The following SOCS5 variants were observed in gnomAD, a reference collection of about 807,000 sequenced individuals.
SOCS5 encodes CIS-6.
Under a neutral mutation model 42.8 loss-of-function variants are expected in SOCS5, and 32 were observed. The observed-to-expected ratio is 0.75, with a 90% confidence interval of 0.56 to 1.01. SOCS5 has a LOEUF of 1.01. Ranked by LOEUF, SOCS5 falls within the 50% of genes least tolerant of loss-of-function variation. The probability of loss-of-function intolerance (pLI) is 0.00; values close to 1 mark genes in which losing one functional copy is unlikely to be tolerated. For synonymous variants in SOCS5, 283 were observed against 229.6 expected (o/e 1.23, Z -2.10); for missense variants, 627 against 653.0 (o/e 0.96, Z 0.43).
Position 46,762,003 on chromosome 2 carries a change from T to C in SOCS5, c.*1862T>C. On this transcript the variant is annotated 3_prime_UTR_variant, in exon 2 of 2. Transcript: ENST00000394861. ...GGTTAAATGAAGTCTTGTGAATTTG[T>C]AATAGATCAGTACCATTTATTGGTT... 1 of 167,184 alleles carries C rather than the reference T, an allele frequency of 6.0e-6. No individual in the cohort carries two copies. The allele number at this position is 167,184 out of a possible 1,614,324, so 10.4% of individuals were successfully genotyped here. A position where few individuals can be genotyped will look rare whatever the true frequency, so the allele number is the denominator to read the frequency against.
At chr2:46,728,019 T>G (rs941461677) in intron 1 of SOCS5, among the ~76,000 whole-genome samples, 18 of 152,118 alleles carry the variant, frequency 1.2e-4, no homozygotes, top group Non-Finnish European at 5.9e-5. Context: ...TTTCCCTCCC[T>G]CAGAGTTTTA....
intron 1 of SOCS5, among the ~76,000 whole-genome samples, chr2:46,753,191 G>A (rs1248708996): frequency 6.6e-6 from 1 of 152,132 alleles, no homozygotes; most frequent in East Asian, 1.9e-4. Flanking sequence ...TCTGCCTATA[G>A]TACATTGTCC....
intron 1 of SOCS5, among the ~76,000 whole-genome samples, chr2:46,743,487 G>T (rs1227452450): frequency 6.6e-6 from 1 of 152,148 alleles, no homozygotes; most frequent in Non-Finnish European, 1.5e-5. Context: ...CAGTGAGGAT[G>T]ACCAGAGATC....
chr2:46,705,086 T>C (rs1200396886), intron 1 of SOCS5, among the ~76,000 whole-genome samples: 1 of 152,244 alleles, frequency 6.6e-6, no homozygotes, highest in Non-Finnish European at 1.5e-5. Context: ...TTCTGACTGT[T>C]TATTTGTATC....
chr2:46,727,823 C>G lies in SOCS5; in HGVS notation c.-13+28374C>G, dbSNP rs116934178. ...CTCCCTCTCAGCAATTTCCTTTATA[C>G]TTTCTGCTGCCGACCTCTTTTCAGT... On this transcript the variant is annotated intron_variant, in intron 1 of 1. Transcript: ENST00000394861. Among the ~76,000 whole-genome samples the G allele has an allele frequency of 2.7e-4, 41 of 152,296 alleles. 1 individual carries two copies. In the East Asian group the frequency reaches 7.7e-3, roughly 29 times the overall value.
rs763272718 is a variant in SOCS5 at position 46,760,115 on chromosome 2, G to T, written c.1585G>T (p.Glu529Ter). 30 of 1,613,282 alleles carry T rather than the reference G, an allele frequency of 1.9e-5. No individual in the cohort carries two copies. Among genetic ancestry groups the T allele is most frequent in the Non-Finnish European group, 3.4e-6 (4 of 1,179,698 alleles). ...YKQKVRVRWL[E>*]REPVKAK is the part of the protein sequence containing the mutation. The stretch of plus-strand genomic sequence containing the variant: ...ACAAAAAGTTAGAGTTCGCTGGTTG[G>T]AACGAGAACCAGTCAAGGCAAAGTA... The change falls in exon 2 of 2, where the codon GAA becomes TAA. Residue 529 changes from glutamate to a stop codon, truncating the protein, a stop_gained. Transcript: ENST00000394861. LOFTEE classifies it high-confidence loss of function.
intron 1 of SOCS5, among the ~76,000 whole-genome samples, chr2:46,738,522 T>C (rs1403456062): frequency 6.6e-6 from 1 of 152,194 alleles, no homozygotes; most frequent in African/African-American, 2.4e-5. Flanking sequence ...ATTTTGGATA[T>C]AGTTAATTTG....
intron 1 of SOCS5, among the ~76,000 whole-genome samples, chr2:46,729,592 T>C (rs1673070333): frequency 6.6e-6 from 1 of 152,154 alleles, no homozygotes; most frequent in South Asian, 2.1e-4. Flanking sequence ...ACAGTAAAAA[T>C]ACAGTATAAA....
chr2:46,725,516 CTAAG>C (rs1672971906), intron 1 of SOCS5, among the ~76,000 whole-genome samples: 2 of 152,106 alleles, frequency 1.3e-5, no homozygotes, highest in South Asian at 4.1e-4. Context: ...ATTTTTCCAC[CTAAG>C]TGAGTTGTAG....
rs371691635 is a variant in SOCS5 at position 46,714,165 on chromosome 2, C to G, written c.-13+14716C>G. ...TTCTATAGATGCCAATTAGGTTAGT[C>G]TGATCTTCTTATATCTTACATCTTT... is the stretch of plus-strand genomic sequence containing the variant. On this transcript the variant is annotated intron_variant, in intron 1 of 1. Transcript: ENST00000394861. Among the ~76,000 whole-genome samples the G allele has an allele frequency of 2.4e-4, 36 of 152,272 alleles. No homozygotes were observed. In the East Asian group the frequency reaches 3.7e-3, roughly 16 times the overall value.
At chr2:46,704,562 C>G (rs908567607) in intron 1 of SOCS5, among the ~76,000 whole-genome samples, 1 of 152,056 alleles carries the variant, frequency 6.6e-6, no homozygotes, top group African/African-American at 2.4e-5. Context: ...CAGGTTGGCA[C>G]GTCTTTGTAT....
At chr2:46,722,590 A>C (rs1251119607) in intron 1 of SOCS5, among the ~76,000 whole-genome samples, 2 of 152,178 alleles carry the variant, frequency 1.3e-5, no homozygotes, top group African/African-American at 2.4e-5. Context: ...GTTGAAGGAC[A>C]TATGGGTTAT....
At chr2:46,717,365 C>G (rs1043732841) in intron 1 of SOCS5, among the ~76,000 whole-genome samples, 1 of 152,092 alleles carries the variant, frequency 6.6e-6, no homozygotes, top group Non-Finnish European at 1.5e-5. Flanking sequence ...TGCCTCTTAT[C>G]TCGTGTGAAA....
At chr2:46,740,771 CT>C in intron 1 of SOCS5, among the ~76,000 whole-genome samples, 1 of 152,100 alleles carries the variant, frequency 6.6e-6, no homozygotes, top group Admixed American at 6.5e-5. Flanking sequence ...TAGGGAAGCT[CT>C]GGAACCAGAC....
At chr2:46,727,144 CTTTTTTTTTTTTT>C (rs759203329) in intron 1 of SOCS5, among the ~76,000 whole-genome samples, 1 of 86,412 alleles carries the variant, frequency 1.2e-5, no homozygotes, top group Admixed American at 1.5e-4. Context: ...TTGGAGCCTT[CTTTTTTTTTTTTT>C]TTTTTTTTTG....
intron 1 of SOCS5, among the ~76,000 whole-genome samples, chr2:46,735,169 A>T (rs893007699): frequency 6.6e-6 from 1 of 152,218 alleles, no homozygotes; most frequent in Admixed American, 6.5e-5. Flanking sequence ...TTCCTATCAA[A>T]GTTCAGAGTT....
intron 1 of SOCS5, among the ~76,000 whole-genome samples, chr2:46,748,733 ATTATT>A (rs1673562923): frequency 6.6e-6 from 1 of 152,180 alleles, no homozygotes; most frequent in Non-Finnish European, 1.5e-5. Context: ...TTATCAAAAC[ATTATT>A]TTATTTATTT....
chr2:46,753,498 C>T (rs960828404), intron 1 of SOCS5, among the ~76,000 whole-genome samples: 2 of 152,054 alleles, frequency 1.3e-5, no homozygotes, highest in African/African-American at 4.8e-5. Context: ...GTTCATTTGC[C>T]AGTCTTTTGA....
At chr2:46,738,853 A>G (rs1673308855) in intron 1 of SOCS5, among the ~76,000 whole-genome samples, 2 of 152,184 alleles carry the variant, frequency 1.3e-5, no homozygotes, top group African/African-American at 4.8e-5. Context: ...GTTTTTTCCC[A>G]TACAGTCAAA....
Sources: gnomAD v4.1 joint callset for allele counts (sites outside exome capture counted in the v4.1 genomes callset) on GRCh38, gnomAD v4.1.1 for gene constraint, MANE v1.5 for transcripts, NCBI Gene and HGNC (gene_info 2026-07-23, HGNC 2026-07-21) for gene names.